NBAS: variants seen among roughly 807,000 people sequenced by gnomAD.
The protein encoded by NBAS is NBAS subunit of NRZ tethering complex.
A neutral mutation model predicts 302.5 loss-of-function variants in NBAS; 219 were observed. The observed-to-expected ratio is 0.72, with a 90% CI of 0.65 to 0.81. NBAS has a LOEUF of 0.81. NBAS is among the 30% of genes least tolerant of loss of function. NBAS has a pLI of 0.00. For missense variants in NBAS, 2,932 were observed against 2,841.6 expected (o/e 1.03, Z -0.72); for synonymous variants, 1,118 against 1,021.6 (o/e 1.09, Z -1.80).
At chr2:15,558,532 T>C (rs758135761) in intron 2 of NBAS, 48 bp downstream of exon 2, 1 of 1,510,580 alleles carries the variant, frequency 6.6e-7, no homozygotes, top group Non-Finnish European at 9.2e-7. Context: ...AAGAACACAT[T>C]TTAACTGTTA....
At chr2:15,211,841 G>A (rs948654461) in intron 48 of NBAS, among the ~76,000 whole-genome samples, 11 of 152,134 alleles carry the variant, frequency 7.2e-5, no homozygotes, top group African/African-American at 2.7e-4. Flanking sequence ...TGTTAACTAG[G>A]ACACATTAAG....
chr2:14,935,743 G>A, the NBAS span, among the ~76,000 whole-genome samples: 3 of 152,188 alleles, frequency 2.0e-5, no homozygotes, highest in African/African-American at 7.2e-5. Flanking sequence ...AGAAGAGTCT[G>A]CATGTGTGCC....
chr2:14,857,206 C>T, the NBAS span, among the ~76,000 whole-genome samples: 1 of 152,042 alleles, frequency 6.6e-6, no homozygotes, highest in East Asian at 1.9e-4. Context: ...AGTCCATGTT[C>T]ATGAATTAGA....
intron 21 of NBAS, among the ~76,000 whole-genome samples, chr2:15,441,516 T>C (rs1431097912): frequency 4.6e-5 from 7 of 151,728 alleles, no homozygotes; most frequent in South Asian, 2.1e-4. Flanking sequence ...GCACTAAACA[T>C]GGAAAGGAAC....
intron 35 of NBAS, among the ~76,000 whole-genome samples, chr2:15,337,583 G>A (rs1172582215): frequency 6.6e-6 from 1 of 152,160 alleles, no homozygotes; most frequent in Non-Finnish European, 1.5e-5. Context: ...CAAGATAGGA[G>A]ACTTAAAATG....
chr2:15,216,607 T>C (rs953216363), intron 48 of NBAS, among the ~76,000 whole-genome samples: 3 of 152,224 alleles, frequency 2.0e-5, no homozygotes, highest in Non-Finnish European at 2.9e-5. Context: ...TCAGAAGTCC[T>C]TGAACTCATA....
chr2:15,160,585 C>CGGGGGGGGGGGGGGGG, the NBAS span, among the ~76,000 whole-genome samples: 33 of 92,256 alleles, frequency 3.6e-4, no homozygotes, highest in African/African-American at 8.5e-4. Flanking sequence ...CCAGTGTGGG[C>CGGGGGGGGGGGGGGGG]GGGGGGAGGG....
the NBAS span, among the ~76,000 whole-genome samples, chr2:14,978,354 G>A: frequency 6.6e-6 from 1 of 152,148 alleles, no homozygotes; most frequent in African/African-American, 2.4e-5. Context: ...GTAGGAACAA[G>A]AATTGCATCT....
intron 21 of NBAS, among the ~76,000 whole-genome samples, chr2:15,443,029 A>G (rs952971105): frequency 6.6e-6 from 1 of 151,582 alleles, no homozygotes; most frequent in Non-Finnish European, 1.5e-5. Context: ...CCAACCAAAA[A>G]GAGTCCAGGA....
intron 32 of NBAS, among the ~76,000 whole-genome samples, chr2:15,357,368 G>T (rs1351077827): frequency 2.6e-5 from 4 of 152,198 alleles, no homozygotes; most frequent in Non-Finnish European, 5.9e-5. Flanking sequence ...ACTACTGTGA[G>T]TTTGGTGCTG....
chr2:15,467,880 G>C, intron 17 of NBAS, 76 bp from the exon 18 acceptor site: 1 of 1,256,300 alleles, frequency 8.0e-7, no homozygotes, highest in Non-Finnish European at 1.1e-6. Context: ...CTCCTATTTT[G>C]ACTGATTTCA....
intron 11 of NBAS, among the ~76,000 whole-genome samples, chr2:15,494,644 T>C (rs1298318160): frequency 6.6e-6 from 1 of 152,190 alleles, no homozygotes; most frequent in Non-Finnish European, 1.5e-5. Flanking sequence ...TCCCTGAGTA[T>C]AGAAACTCCA....
chr2:15,070,630 C>T, the NBAS span, among the ~76,000 whole-genome samples: 1 of 152,180 alleles, frequency 6.6e-6, no homozygotes, highest in Non-Finnish European at 1.5e-5. Context: ...CCATGAAAAA[C>T]TCCATGCCCC....
chr2:15,489,022 C>A lies in NBAS; in HGVS notation c.955G>T (p.Asp319Tyr). 1 of 1,613,168 alleles carries A rather than the reference C, an allele frequency of 6.2e-7. No homozygotes were observed. Among genetic ancestry groups the A allele is most frequent in the Non-Finnish European group, 8.5e-7 (1 of 1,179,452 alleles). The change falls in exon 12 of 52, where the codon GAT (aspartate) becomes TAT (tyrosine). Residue 319 changes from aspartate to tyrosine, a missense_variant and splice_region_variant. By Grantham distance (160) the Asp-to-Tyr change is radical (BLOSUM62 -3). Coordinates refer to ENST00000281513, the MANE Select transcript of NBAS (RefSeq NM_015909.4). ...GAAAGGCTCATCTTAAAAATTCCATCCTAAATAAGAATCATAAGGTCAGGG... is the reference window on the plus strand; with the variant it reads ...GAAAGGCTCATCTTAAAAATTCCATACTAAATAAGAATCATAAGGTCAGGG... ...KFYSRQGQEQ[D>Y]GIFKMSLSPD...
chr2:15,446,109 G>C (rs755220654), intron 21 of NBAS, among the ~76,000 whole-genome samples: 1 of 151,928 alleles, frequency 6.6e-6, no homozygotes, highest in Non-Finnish European at 1.5e-5. Context: ...TGTGTATTGG[G>C]AAGGAGAAAC....
Position 15,234,622 on chromosome 2 carries a change from C to T in NBAS, c.6069G>A (p.Glu2023=), listed in dbSNP as rs1667512253. Residue 2023 remains glutamate (E), a synonymous_variant, in exon 46 of 52, where the codon GAG becomes GAA. Coordinates refer to ENST00000281513, the MANE Select transcript of NBAS (RefSeq NM_015909.4). ...QPLAMIQQLL[E]VAVGPLDISP... ...AGATGTCAAGAGGGCCAACTGCCACCTCTAGCAGCTGCTGAATCATTGCTA... is the reference window on the plus strand; with the variant it reads ...AGATGTCAAGAGGGCCAACTGCCACTTCTAGCAGCTGCTGAATCATTGCTA... 6.2e-7 allele frequency: 1 copy of T among 1,614,144 alleles called. No individual in the cohort carries two copies. Among genetic ancestry groups the T allele is most frequent in the Non-Finnish European group, 8.5e-7 (1 of 1,179,994 alleles).
intron 19 of NBAS, among the ~76,000 whole-genome samples, chr2:15,464,911 C>T (rs576317700): frequency 6.6e-6 from 1 of 152,184 alleles, no homozygotes; most frequent in Non-Finnish European, 1.5e-5. Context: ...TGCCACTGGG[C>T]CTTTACATGG....
At chr2:15,175,361 T>G (rs181937859) in intron 51 of NBAS, among the ~76,000 whole-genome samples, 1 of 152,154 alleles carries the variant, frequency 6.6e-6, no homozygotes, top group East Asian at 1.9e-4. Context: ...CATTGAGCAG[T>G]ACCAAAGAGG....
At chr2:15,527,472 G>C (rs1214238996) in intron 9 of NBAS, among the ~76,000 whole-genome samples, 6 of 152,162 alleles carry the variant, frequency 3.9e-5, no homozygotes, top group Non-Finnish European at 7.4e-5. Flanking sequence ...TGGTTGTCTG[G>C]TGGGAGCTGC....
Sources: allele counts gnomAD v4.1 joint callset (sites outside exome capture counted in the v4.1 genomes callset), GRCh38; gene constraint gnomAD v4.1.1; transcripts MANE v1.5; gene names NCBI Gene and HGNC (gene_info 2026-07-23, HGNC 2026-07-21).